MTHFD1L: variants seen among roughly 807,000 people sequenced by gnomAD.
The protein encoded by MTHFD1L is monofunctional C1-tetrahydrofolate synthase, mitochondrial.
MTHFD1L carries 81 observed loss-of-function variants against 119.5 expected under a neutral mutation model. The observed-to-expected ratio is 0.68, with a 90% CI of 0.57 to 0.82. The LOEUF is 0.82. Ranked by LOEUF, MTHFD1L falls within the 40% of genes least tolerant of loss-of-function variation. The probability of loss-of-function intolerance (pLI) is 0.00; values close to 1 mark genes in which losing one functional copy is unlikely to be tolerated. For synonymous variants in MTHFD1L, 430 were observed against 475.2 expected (o/e 0.90, Z 1.24); for missense variants, 1,125 against 1,253.4 (o/e 0.90, Z 1.55).
intron 26 of MTHFD1L, among the ~76,000 whole-genome samples, chr6:151,066,437 C>CAAAA (rs35065800): frequency 1.6e-4 from 8 of 50,668 alleles, no homozygotes; most frequent in Non-Finnish European, 2.1e-4. Flanking sequence ...GACTCCATCT[C>CAAAA]AAAAAAAAAA....
intron 11 of MTHFD1L, among the ~76,000 whole-genome samples, chr6:150,932,643 C>T (rs914870669): frequency 1.3e-5 from 2 of 152,028 alleles, no homozygotes; most frequent in Non-Finnish European, 2.9e-5. Context: ...GATGACGTGC[C>T]TGTAGTCCCA....
chr6:150,965,660 G>GAAAAAAAAAA, intron 19 of MTHFD1L, among the ~76,000 whole-genome samples: 1 of 144,386 alleles, frequency 6.9e-6, no homozygotes, highest in Non-Finnish European at 1.5e-5. Flanking sequence ...GACTCCGTCT[G>GAAAAAAAAAA]AAAAAAAAAA....
chr6:150,933,345 G>C (rs1304940357), intron 11 of MTHFD1L, among the ~76,000 whole-genome samples: 2 of 152,102 alleles, frequency 1.3e-5, no homozygotes, highest in Non-Finnish European at 2.9e-5. Context: ...CACCATATTT[G>C]ATGCCACAGT....
intron 20 of MTHFD1L, among the ~76,000 whole-genome samples, chr6:150,988,607 T>TG (rs372345078): frequency 0.015 from 569 of 37,200 alleles, 5 homozygotes; most frequent in African/African-American, 0.083. Context: ...TCTTTTTTTG[T>TG]GGGGGGGGCG....
intron 19 of MTHFD1L, among the ~76,000 whole-genome samples, chr6:150,969,776 A>T (rs904088764): frequency 2.0e-5 from 3 of 152,226 alleles, no homozygotes; most frequent in African/African-American, 4.8e-5. Flanking sequence ...CCAGATGATT[A>T]TATGGACTTG....
In MTHFD1L at chr6:150,897,349, C is replaced by T. The variant is rs1009594556; in HGVS notation, c.781-8301C>T. On this transcript the variant is annotated intron_variant, in intron 7 of 27. Coordinates refer to ENST00000367321, the MANE Select transcript of MTHFD1L (RefSeq NM_015440.5). ...AGGCAAAATATTCTAATTTCAGTCT[C>T]ATTGGATTATGTTCTAAATGTTTGA... is the stretch of plus-strand genomic sequence containing the variant. Among the ~76,000 whole-genome samples, 25 of 152,266 alleles carry T rather than the reference C, an allele frequency of 1.6e-4. 1 individual carries two copies. Among genetic ancestry groups the T allele is most frequent in the Admixed American group, 1.2e-3 (19 of 15,290 alleles).
chr6:150,953,990 T>G (rs1167892465), intron 16 of MTHFD1L, among the ~76,000 whole-genome samples: 2 of 152,118 alleles, frequency 1.3e-5, no homozygotes, highest in Non-Finnish European at 2.9e-5. Context: ...TTTCTGTGTG[T>G]TTATATGAGT....
intron 26 of MTHFD1L, among the ~76,000 whole-genome samples, chr6:151,070,699 A>T (rs1224978536): frequency 6.6e-6 from 1 of 152,200 alleles, no homozygotes; most frequent in Non-Finnish European, 1.5e-5. Flanking sequence ...TTCCACTAAA[A>T]CTTCATAAAA....
intron 24 of MTHFD1L, among the ~76,000 whole-genome samples, chr6:151,022,966 T>G (rs1784150640): frequency 6.6e-6 from 1 of 152,086 alleles, no homozygotes. Context: ...TGGCCCCCTT[T>G]CCATGATCCA....
intron 20 of MTHFD1L, among the ~76,000 whole-genome samples, chr6:150,986,228 C>T (rs570220965): frequency 6.6e-6 from 1 of 152,264 alleles, no homozygotes; most frequent in Non-Finnish European, 1.5e-5. Flanking sequence ...GTCAGTAATG[C>T]AGAACTTGGG....
intron 4 of MTHFD1L, among the ~76,000 whole-genome samples, chr6:150,881,079 G>A (rs1457443112): frequency 2.0e-5 from 3 of 152,274 alleles, no homozygotes; most frequent in East Asian, 1.9e-4. Flanking sequence ...TATGAAGAAT[G>A]TTTTTAGTTT....
At chr6:150,868,588 C>T (rs1382147793) in intron 1 of MTHFD1L, among the ~76,000 whole-genome samples, 3 of 152,042 alleles carry the variant, frequency 2.0e-5, no homozygotes, top group African/African-American at 7.2e-5. Flanking sequence ...CTGCCTGCCT[C>T]AGCCTCCCAA....
chr6:150,916,492 T>TG (rs1562372667), intron 8 of MTHFD1L, among the ~76,000 whole-genome samples: 3 of 48,386 alleles, frequency 6.2e-5, no homozygotes, highest in African/African-American at 2.4e-4. Context: ...TTTTTTTTTT[T>TG]TTTTTTTGGT....
intron 26 of MTHFD1L, among the ~76,000 whole-genome samples, chr6:151,050,739 T>C (rs1371068883): frequency 1.3e-5 from 2 of 152,062 alleles, no homozygotes; most frequent in African/African-American, 2.4e-5. Context: ...GGAAACCCCA[T>C]ACACATTTGG....
chr6:150,950,949 G>A (rs954247052), intron 16 of MTHFD1L, among the ~76,000 whole-genome samples: 5 of 150,098 alleles, frequency 3.3e-5, no homozygotes, highest in African/African-American at 9.8e-5. Context: ...GATTACATGC[G>A]TGAGCCACTG....
chr6:150,885,697 T>G lies in MTHFD1L; in HGVS notation c.606T>G (p.Pro202=), dbSNP rs754458525. ...ATGCCCATGAATGTTTTGTTTCACC[T>G]GTTGCCAAAGCTGTAATTGAACTTC... ...RGDAHECFVS[P]VAKAVIELLE... Residue 202 remains proline (P), a synonymous_variant, in exon 6 of 28, where the codon CCT becomes CCG. Transcript: ENST00000367321. 1 of 1,614,050 alleles carries G rather than the reference T, an allele frequency of 6.2e-7. No homozygotes were observed. The highest frequency in any genetic ancestry group is 8.5e-7 in the Non-Finnish European group (1 of 1,179,918).
chr6:150,972,662 C>T (rs541163695), intron 20 of MTHFD1L, among the ~76,000 whole-genome samples: 58 of 152,348 alleles, frequency 3.8e-4, no homozygotes, highest in African/African-American at 1.3e-3. Context: ...TCCTGTGGAG[C>T]GTACTGTCTA....
At chr6:151,002,738 T>C (rs1030276028) in intron 20 of MTHFD1L, among the ~76,000 whole-genome samples, 3 of 152,240 alleles carry the variant, frequency 2.0e-5, no homozygotes, top group Non-Finnish European at 4.4e-5. Flanking sequence ...ATTAGCATAA[T>C]GATCTTGCAC....
intron 7 of MTHFD1L, among the ~76,000 whole-genome samples, chr6:150,896,010 G>C (rs891711290): frequency 6.6e-6 from 1 of 152,146 alleles, no homozygotes; most frequent in South Asian, 2.1e-4. Flanking sequence ...AGGCAGGACT[G>C]TCATCCTCCC....
Sources: allele counts gnomAD v4.1 joint callset (sites outside exome capture counted in the v4.1 genomes callset), GRCh38; gene constraint gnomAD v4.1.1; transcripts MANE v1.5; gene names NCBI Gene and HGNC (gene_info 2026-07-23, HGNC 2026-07-21).